The following ATP7B variants were observed in gnomAD, a reference collection of about 807,000 sequenced individuals.
The protein encoded by ATP7B is copper-transporting ATPase 2.
In ATP7B, 113 loss-of-function variants were observed where a neutral mutation model predicts 118.9. The observed-to-expected ratio is 0.95, with a 90% confidence interval of 0.82 to 1.11. ATP7B has a LOEUF of 1.11. Among genes scored for constraint, ATP7B ranks in the 50% most tolerant of loss-of-function variants. The pLI is 0.00. For missense variants in ATP7B, 1,867 were observed against 1,871.4 expected (o/e 1.00, Z 0.04); for synonymous variants, 777 against 727.4 (o/e 1.07, Z -1.10).
intron 1 of ATP7B, among the ~76,000 whole-genome samples, chr13:51,985,551 T>G (rs1417006284): frequency 6.6e-6 from 1 of 152,244 alleles, no homozygotes; most frequent in South Asian, 2.1e-4. Context: ...TGAAATCAGC[T>G]CTGGACCAAA....
At chr13:52,012,048 G>A, upstream of ATP7B, 4 of 444,624 alleles carry the variant, frequency 9.0e-6, no homozygotes, top group South Asian at 2.2e-5. Flanking sequence ...GTGCGCAAAG[G>A]CCAGCCAATG....
At chr13:51,938,348 G>A (rs1001103951) in intron 17 of ATP7B, among the ~76,000 whole-genome samples, 2 of 152,180 alleles carry the variant, frequency 1.3e-5, no homozygotes, top group African/African-American at 2.4e-5. Context: ...ACAGAGCCTG[G>A]CCCCACACCT....
chr13:51,946,324 A>C lies in ATP7B; in HGVS notation c.3020T>G (p.Ile1007Ser). The C allele has an allele frequency of 1.2e-6, 2 of 1,604,322 alleles. No homozygotes were observed. The highest frequency in any genetic ancestry group is 1.7e-6 in the Non-Finnish European group (2 of 1,175,986). Residue 1007 changes from isoleucine to serine, a missense_variant, in exon 13 of 21, where the codon ATC becomes AGC. Physicochemically the swap from Ile to Ser is moderately radical, Grantham distance 142. Coordinates refer to ENST00000242839, the MANE Select transcript of ATP7B (RefSeq NM_000053.4). ...CAGGGGCTTGCCTCCCTTGATGAGG[A>C]TGCCGTTCTGCGCGGCCACCCCGGT... ...VGTGVAAQNG[I>S]LIKGGKPLEM...
At chr13:51,996,462 C>T (rs1593856077) in intron 1 of ATP7B, among the ~76,000 whole-genome samples, 1 of 152,352 alleles carries the variant, frequency 6.6e-6, no homozygotes, top group Middle Eastern at 3.4e-3. Context: ...ACCACAGCCA[C>T]TAATTCCAGC....
intron 11 of ATP7B, 78 bp from the exon 12 acceptor site, chr13:51,949,874 T>A (rs751278492): frequency 1.1e-5 from 18 of 1,610,790 alleles, no homozygotes; most frequent in Non-Finnish European, 1.5e-5. Context: ...GGATAAAGAT[T>A]GGGATAATCT....
At position 51,950,145 on chromosome 13, in the gene ATP7B, G is replaced by C. The variant is rs551878681; in HGVS notation, c.2592C>G (p.Val864=). The C allele has an allele frequency of 6.2e-7, 1 of 1,614,168 alleles. No homozygotes were observed. Among genetic ancestry groups the C allele is most frequent in the African/African-American group, 1.3e-5 (1 of 75,032 alleles). The change falls in exon 11 of 21, where the codon GTC becomes GTG. Residue 864 remains valine (V), a synonymous_variant. Coordinates refer to ENST00000242839, the MANE Select transcript of ATP7B (RefSeq NM_000053.4). ...TTACAGTGCTTCCGGGTTTCTTAGT[G>C]ACTGGCATGGCTTCTCCTAGACGTA... ...ESLITGEAMP[V]TKKPGSTVIA... is the part of the protein sequence containing the mutation.
At chr13:51,946,534 A>G in intron 12 of ATP7B, 56 bp from the exon 13 acceptor site, 1 of 1,588,954 alleles carries the variant, frequency 6.3e-7, no homozygotes, top group Non-Finnish European at 8.6e-7. Context: ...AAGCTCCCAG[A>G]ACTCTAATCA....
chr13:51,977,875 T>C (rs916546817), intron 1 of ATP7B, among the ~76,000 whole-genome samples: 10 of 152,216 alleles, frequency 6.6e-5, no homozygotes, highest in African/African-American at 1.4e-4. Flanking sequence ...CAGTCCATCA[T>C]TGACTAAAGC....
rs559961425 is a variant in ATP7B at position 51,959,560 on chromosome 13, C to A, written c.2121+588G>T. Reference sequence around the variant, plus strand: ...CCTACCAATGCTTGCCCCCAAATAGCCCCTAAACATTCCAATATTAGGACA... The same window carrying A: ...CCTACCAATGCTTGCCCCCAAATAGACCCTAAACATTCCAATATTAGGACA... On this transcript the variant is annotated intron_variant, in intron 7 of 20. Coordinates refer to ENST00000242839, the MANE Select transcript of ATP7B (RefSeq NM_000053.4). The A allele has an allele frequency of 2.3e-4, 35 of 154,408 alleles. No homozygotes were observed. The South Asian group carries it at 6.9e-3, about 30-fold the overall frequency. 9.6% of individuals were successfully genotyped at this position (154,408 alleles called of 1,614,324 possible).
rs931422341 is a variant in ATP7B, at chr13:51,989,381, C to T, written c.52-14213G>A. On this transcript the variant is annotated intron_variant, in intron 1 of 20. Transcript: ENST00000242839. ...GTGCCAGGGCTATGTGTGCATTAACCCAATCTCTGCCCTTCTGAGGACAGA... is the reference window on the plus strand; with the variant it reads ...GTGCCAGGGCTATGTGTGCATTAACTCAATCTCTGCCCTTCTGAGGACAGA... 2.6e-5 allele frequency among the ~76,000 whole-genome samples: 4 copies of T among 152,026 alleles called. No homozygotes were observed. The South Asian group carries it at 6.2e-4, about 24-fold the overall frequency.
chr13:51,955,741 C>T (rs1958297732), intron 9 of ATP7B, among the ~76,000 whole-genome samples: 1 of 151,704 alleles, frequency 6.6e-6, no homozygotes, highest in South Asian at 2.1e-4. Flanking sequence ...CCTGTCTGAA[C>T]GTTTTCACTT....
At chr13:51,944,026 C>T (rs910908635) in intron 14 of ATP7B, 83 bp downstream of exon 14, 27 of 1,567,856 alleles carry the variant, frequency 1.7e-5, no homozygotes, top group Admixed American at 3.4e-5. Context: ...GAAGGCTCCT[C>T]GAGGGCAGCT....
chr13:51,958,145 A>C (rs1192839414), intron 8 of ATP7B, 166 bp downstream of exon 8: 2 of 761,352 alleles, frequency 2.6e-6, no homozygotes, highest in Non-Finnish European at 4.3e-6. Flanking sequence ...GTAGTGACCA[A>C]TTTGGAGATT....
Position 51,950,132 on chromosome 13 carries a change from CG to C in ATP7B, c.2604del (p.Gly869GlufsTer4), listed in dbSNP as rs1957904411. ...TGEAMPVTKKPGSTVIAGSIN... is the reference protein window; with the variant it reads ...TGEAMPVTKKXGSTVIAGSIN... ...ATAGACCCCGCAATTACAGTGCTTCCGGGTTTCTTAGTGACTGGCATGGCTT... is the reference window on the plus strand; with the variant it reads ...ATAGACCCCGCAATTACAGTGCTTCCGGTTTCTTAGTGACTGGCATGGCTT... On this transcript the variant is annotated frameshift_variant, in exon 11 of 21. Transcript: ENST00000242839. LOFTEE classifies it high-confidence loss of function. 6.2e-7 allele frequency: 1 copy of C among 1,614,172 alleles called. No individual in the cohort carries two copies. Among genetic ancestry groups the C allele is most frequent in the East Asian group, 2.2e-5 (1 of 44,886 alleles).
chr13:51,973,568 G>A (rs1259296878), intron 2 of ATP7B, among the ~76,000 whole-genome samples: 18 of 152,212 alleles, frequency 1.2e-4, no homozygotes, highest in Admixed American at 1.2e-3. Context: ...GTGATGCCCT[G>A]TGGCACCGGA....
At chr13:51,940,382 G>C (rs150668911) in intron 16 of ATP7B, among the ~76,000 whole-genome samples, 1 of 148,906 alleles carries the variant, frequency 6.7e-6, no homozygotes, top group Non-Finnish European at 1.5e-5. Context: ...GGGCAGGTGC[G>C]GTGGCTCACG....
chr13:51,982,354 C>A (rs1952463776), intron 1 of ATP7B, among the ~76,000 whole-genome samples: 1 of 152,136 alleles, frequency 6.6e-6, no homozygotes, highest in South Asian at 2.1e-4. Flanking sequence ...ATTATCTGAG[C>A]AAATCCAGGC....
At chr13:52,011,173 C>T in intron 1 of ATP7B, 114 bp downstream of exon 1, 2 of 1,484,744 alleles carry the variant, frequency 1.3e-6, no homozygotes, top group Admixed American at 1.7e-5. Context: ...GAGCTGGGGT[C>T]TGGCTCGGCC....
intron 7 of ATP7B, chr13:51,958,933 A>G (rs2060705779): frequency 3.6e-6 from 1 of 276,254 alleles, no homozygotes; most frequent in Non-Finnish European, 7.0e-6. Context: ...AGTTAAGTGA[A>G]AAAGCCAGCT....
Sources: allele counts gnomAD v4.1 joint callset (sites outside exome capture counted in the v4.1 genomes callset), GRCh38; gene constraint gnomAD v4.1.1; transcripts MANE v1.5; gene names NCBI Gene and HGNC (gene_info 2026-07-23, HGNC 2026-07-21).